Variants in EIF4G3 observed in about 807,000 individuals in gnomAD.
The protein encoded by EIF4G3 is eukaryotic translation initiation factor 4 gamma 3, also known as eIF-4-gamma 3.
In EIF4G3, 34 loss-of-function variants were observed where a neutral mutation model predicts 186.4. The ratio of observed to expected loss-of-function variants is 0.18; its 90% CI spans 0.14 to 0.24. EIF4G3 has a LOEUF of 0.24. Among genes scored for constraint, EIF4G3 ranks in the 10% least tolerant of loss-of-function variants. The pLI is 1.00. For missense variants in EIF4G3, 1,536 were observed against 1,948.5 expected (o/e 0.79, Z 3.99); for synonymous variants, 673 against 679.5 (o/e 0.99, Z 0.15).
chr1:20,972,121 C>T (rs941775860), intron 11 of EIF4G3, among the ~76,000 whole-genome samples: 1 of 152,160 alleles, frequency 6.6e-6, no homozygotes, highest in African/African-American at 2.4e-5. Context: ...TTTTATATTA[C>T]TACACTCCAA....
At chr1:21,002,838 ATTTTG>A in intron 4 of EIF4G3, 30 bp from the exon 5 acceptor site, 2 of 1,333,412 alleles carry the variant, frequency 1.5e-6, no homozygotes. Flanking sequence ...ACAATATAAT[ATTTTG>A]AAAAAATATG....
intron 36 of EIF4G3, among the ~76,000 whole-genome samples, chr1:20,809,412 A>G (rs1169041292): frequency 6.6e-6 from 1 of 152,222 alleles, no homozygotes. Context: ...AAAATAAGGA[A>G]GTACCAAAGA....
intron 2 of EIF4G3, among the ~76,000 whole-genome samples, chr1:21,163,782 G>GT (rs1219770151): frequency 7.2e-5 from 11 of 151,826 alleles, no homozygotes; most frequent in Non-Finnish European, 1.3e-4. Flanking sequence ...GTTTTGTTTT[G>GT]TTTTTTTGAG....
chr1:21,148,391 C>A (rs2097489692), intron 2 of EIF4G3, among the ~76,000 whole-genome samples: 3 of 151,384 alleles, frequency 2.0e-5, no homozygotes, highest in Admixed American at 1.3e-4. Flanking sequence ...TTCTCAATAG[C>A]AAAACTGTTA....
At chr1:20,856,084 A>G (rs1264482676) in intron 25 of EIF4G3, among the ~76,000 whole-genome samples, 1 of 152,216 alleles carries the variant, frequency 6.6e-6, no homozygotes, top group Non-Finnish European at 1.5e-5. Flanking sequence ...GAGATGGGTA[A>G]GACTCAAATT....
chr1:20,868,090 C>CTTTTTTTT (rs66560662), intron 20 of EIF4G3, among the ~76,000 whole-genome samples: 34,176 of 89,410 alleles, frequency 0.38, 9,640 homozygotes, highest in Middle Eastern at 0.6. Flanking sequence ...TGGTGATTTT[C>CTTTTTTTT]TTTTTTTTTT....
At chr1:20,993,654 G>A (rs760996157) in intron 7 of EIF4G3, among the ~76,000 whole-genome samples, 1 of 152,046 alleles carries the variant, frequency 6.6e-6, no homozygotes, top group Non-Finnish European at 1.5e-5. Flanking sequence ...ATGAAAGGAC[G>A]TAAAGTGATC....
At chr1:20,868,887 T>A (rs1484411436) in intron 20 of EIF4G3, among the ~76,000 whole-genome samples, 1 of 152,174 alleles carries the variant, frequency 6.6e-6, no homozygotes, top group Non-Finnish European at 1.5e-5. Flanking sequence ...CCCATCCACA[T>A]ACAGGTCACT....
rs34598369 is a variant in EIF4G3 at position 21,060,782 on chromosome 1, G to GAA, written c.-195-9790_-195-9789dup. Reference sequence around the variant, plus strand: ...AACACAGCAAGATCCTGTCTCTTAAGAAAAAAAAAAAAAAAAAAAAAACAA... The same window carrying GAA: ...AACACAGCAAGATCCTGTCTCTTAAGAAAAAAAAAAAAAAAAAAAAAAAACAA... On this transcript the variant is annotated intron_variant, in intron 3 of 36. Transcript: ENST00000602326. 3.8e-4 allele frequency among the ~76,000 whole-genome samples: 45 copies of GAA among 117,368 alleles called. No individual in the cohort carries two copies. In the East Asian group the frequency reaches 4.6e-3, roughly 12 times the overall value. 77.0% of individuals were successfully genotyped at this position (117,368 alleles called of 152,430 possible). A position where few individuals can be genotyped will look rare whatever the true frequency, so the allele number is the denominator to read the frequency against.
intron 2 of EIF4G3, among the ~76,000 whole-genome samples, chr1:21,109,653 TATTTCCCAATTTTTAATGTAAGGAAC>T (rs1259568649): frequency 6.6e-6 from 1 of 152,188 alleles, no homozygotes; most frequent in African/African-American, 2.4e-5. Flanking sequence ...ATAATTTATG[TATTTCCCAATTTTTAATGTAAGGAAC>T]AGAGGAAGCA....
chr1:21,174,034 C>T (rs2098047386), intron 2 of EIF4G3, among the ~76,000 whole-genome samples: 1 of 152,070 alleles, frequency 6.6e-6, no homozygotes, highest in Non-Finnish European at 1.5e-5. Context: ...TCTATTTTAG[C>T]AATTGTAACC....
intron 3 of EIF4G3, among the ~76,000 whole-genome samples, chr1:21,077,415 G>GA (rs986547930): frequency 3.4e-5 from 5 of 144,988 alleles, no homozygotes; most frequent in African/African-American, 1.3e-4. Flanking sequence ...AAAAAAAAAA[G>GA]AAAAAAAAAG....
At chr1:20,985,415 C>T (rs1220122697) in intron 7 of EIF4G3, among the ~76,000 whole-genome samples, 9 of 151,836 alleles carry the variant, frequency 5.9e-5, no homozygotes, top group African/African-American at 1.9e-4. Flanking sequence ...CAACAATAGT[C>T]TATCTGGAGC....
At chr1:20,942,408 G>A (rs1429997463) in intron 13 of EIF4G3, 78 bp from the exon 14 acceptor site, 1 of 1,393,376 alleles carries the variant, frequency 7.2e-7, no homozygotes, top group Non-Finnish European at 9.7e-7. Flanking sequence ...TTCTTTCAAT[G>A]TCTTACCCTA....
At chr1:21,039,425 A>T (rs1350052589) in intron 4 of EIF4G3, among the ~76,000 whole-genome samples, 1 of 152,254 alleles carries the variant, frequency 6.6e-6, no homozygotes, top group Non-Finnish European at 1.5e-5. Flanking sequence ...AACTTTCAGA[A>T]CATCAAATTT....
chr1:21,157,160 A>G (rs1260461591), intron 2 of EIF4G3, among the ~76,000 whole-genome samples: 1 of 152,112 alleles, frequency 6.6e-6, no homozygotes, highest in Non-Finnish European at 1.5e-5. Flanking sequence ...ATCCCAGTGG[A>G]TCTTCGGACT....
chr1:20,911,912 T>G (rs1338529745), intron 14 of EIF4G3, among the ~76,000 whole-genome samples: 1 of 151,958 alleles, frequency 6.6e-6, no homozygotes, highest in Non-Finnish European at 1.5e-5. Context: ...TAAATATAGA[T>G]AGCTAGACTC....
intron 29 of EIF4G3, among the ~76,000 whole-genome samples, chr1:20,848,152 A>G (rs1304301956): frequency 6.6e-6 from 1 of 152,020 alleles, no homozygotes; most frequent in Non-Finnish European, 1.5e-5. Flanking sequence ...TTTTTTGTAG[A>G]GATGGGGCTT....
chr1:21,083,894 T>C (rs1181560808), intron 3 of EIF4G3, among the ~76,000 whole-genome samples: 2 of 152,078 alleles, frequency 1.3e-5, no homozygotes, highest in Admixed American at 1.3e-4. Context: ...AGTATTCATC[T>C]CCACAAATAG....
Sources: gnomAD v4.1 joint callset for allele counts (sites outside exome capture counted in the v4.1 genomes callset) on GRCh38, gnomAD v4.1.1 for gene constraint, MANE v1.5 for transcripts, NCBI Gene and HGNC (gene_info 2026-07-23, HGNC 2026-07-21) for gene names.